The following HEATR5B variants were observed in gnomAD, a reference collection of about 807,000 sequenced individuals.
HEATR5B encodes the protein HEAT repeat-containing protein 5B.
HEATR5B carries 156 observed loss-of-function variants against 224.1 expected under a neutral mutation model. The observed-to-expected ratio is 0.70, with a 90% CI of 0.61 to 0.80. HEATR5B has a LOEUF of 0.80. Among genes scored for constraint, HEATR5B ranks in the 30% least tolerant of loss-of-function variants. The pLI, the probability that HEATR5B is intolerant of heterozygous loss-of-function variation, is 0.00. For synonymous variants in HEATR5B, 1,027 were observed against 893.0 expected (o/e 1.15, Z -2.68); for missense variants, 2,323 against 2,535.5 (o/e 0.92, Z 1.80).
Position 37,079,266 on chromosome 2 carries a change from A to G in HEATR5B, c.192T>C (p.Pro64=). Residue 64 remains proline, a synonymous_variant, in exon 3 of 36, where the codon CCT becomes CCC. Coordinates refer to ENST00000233099, the MANE Select transcript of HEATR5B (RefSeq NM_019024.3). ...CTAATAATTTTCGTGTAGGTGGTCC[A>G]GGTGAACTACTTATTAATCCAGTTA... ...EQLTGLISSS[P]GPPTRKLLAK... The G allele has an allele frequency of 6.2e-7, 1 of 1,613,076 alleles. No individual in the cohort carries two copies. The highest frequency in any genetic ancestry group is 8.5e-7 in the Non-Finnish European group (1 of 1,179,208).
intron 24 of HEATR5B, among the ~76,000 whole-genome samples, chr2:37,024,636 C>T (rs1668658854): frequency 6.6e-6 from 1 of 152,038 alleles, no homozygotes; most frequent in South Asian, 2.1e-4. Flanking sequence ...TAAACTACTG[C>T]CAAAATTTGG....
rs189825809 is a variant in HEATR5B, at chr2:37,076,501, C to T, written c.447+410G>A. 1.1e-4 allele frequency among the ~76,000 whole-genome samples: 17 copies of T among 152,284 alleles called. No individual in the cohort carries two copies. In the East Asian group the frequency reaches 2.9e-3, roughly 26 times the overall value. The stretch of plus-strand genomic sequence containing the variant: ...AGGAAACATTCTTCCCTAGATCCTT[C>T]AGTGGAAACATGGCCTTGCTGACAC... On this transcript the variant is annotated intron_variant, in intron 4 of 35. Coordinates refer to ENST00000233099, the MANE Select transcript of HEATR5B (RefSeq NM_019024.3).
rs547364458 is a variant in HEATR5B at position 37,067,259 on chromosome 2, T to C, written c.1178-1349A>G. On this transcript the variant is annotated intron_variant, in intron 8 of 35. Transcript: ENST00000233099. ...TGCTAAACTTTAAGCTCCCTGAGGATAGGTGCTGTATGCATCTGGCTTGCT... is the reference window on the plus strand; with the variant it reads ...TGCTAAACTTTAAGCTCCCTGAGGACAGGTGCTGTATGCATCTGGCTTGCT... 1.2e-4 allele frequency among the ~76,000 whole-genome samples: 19 copies of C among 152,336 alleles called. No individual in the cohort carries two copies. The South Asian group carries it at 2.7e-3, about 22-fold the overall frequency.
At chr2:37,064,134 A>C (rs1002357696) in intron 10 of HEATR5B, among the ~76,000 whole-genome samples, 1 of 152,102 alleles carries the variant, frequency 6.6e-6, no homozygotes, top group African/African-American at 2.4e-5. Context: ...AAAACCACTC[A>C]ATTTTTACTA....
At chr2:37,080,403 A>T (rs931392297) in intron 2 of HEATR5B, among the ~76,000 whole-genome samples, 1 of 152,260 alleles carries the variant, frequency 6.6e-6, no homozygotes, top group African/African-American at 2.4e-5. Context: ...AGCAGATGCA[A>T]TAATCCAGAT....
intron 9 of HEATR5B, 140 bp downstream of exon 9, chr2:37,065,615 A>T: frequency 1.3e-6 from 1 of 766,724 alleles, no homozygotes; most frequent in Non-Finnish European, 2.0e-6. Flanking sequence ...AGCCTATCAC[A>T]ATGAATATTA....
chr2:37,042,182 T>C (rs1421555555), intron 18 of HEATR5B, among the ~76,000 whole-genome samples: 1 of 152,186 alleles, frequency 6.6e-6, no homozygotes, highest in Non-Finnish European at 1.5e-5. Context: ...TACTAAAATA[T>C]ACAATTTAAT....
intron 3 of HEATR5B, among the ~76,000 whole-genome samples, chr2:37,078,325 G>A (rs1050696877): frequency 6.6e-6 from 1 of 152,146 alleles, no homozygotes; most frequent in African/African-American, 2.4e-5. Flanking sequence ...ATACCCTGTA[G>A]GCTGATAATA....
rs1553431138 is a variant in HEATR5B, at chr2:37,037,145, G to GATATATATATAT, written c.3216+698_3216+709dup. 7.9e-4 allele frequency among the ~76,000 whole-genome samples: 70 copies of GATATATATATAT among 89,166 alleles called. 3 individuals carry two copies. Among genetic ancestry groups the GATATATATATAT allele is most frequent in the East Asian group, 2.1e-3 (4 of 1,946 alleles). 58.5% of individuals were successfully genotyped at this position (89,166 alleles called of 152,430 possible). A position where few individuals can be genotyped will look rare whatever the true frequency, so the allele number is the denominator to read the frequency against. On this transcript the variant is annotated intron_variant, in intron 21 of 35. Transcript: ENST00000233099. ...TTCCGAGTAGGAAAACTAAAAATGT[G>GATATATATATAT]ATATATATATATATTTTGGAGATGG...
intron 2 of HEATR5B, among the ~76,000 whole-genome samples, chr2:37,082,695 A>C (rs1672668515): frequency 6.6e-6 from 1 of 152,214 alleles, no homozygotes; most frequent in Non-Finnish European, 1.5e-5. Context: ...ACTTTTAGCT[A>C]ATCGAATATC....
intron 12 of HEATR5B, 39 bp downstream of exon 12, chr2:37,060,542 T>A (rs759075835): frequency 6.7e-7 from 1 of 1,489,284 alleles, no homozygotes; most frequent in African/African-American, 1.4e-5. Context: ...ATTTTAGTTA[T>A]GTCATAATAT....
At chr2:37,002,657 A>G in intron 31 of HEATR5B, 85 bp from the exon 32 acceptor site, 1 of 1,311,932 alleles carries the variant, frequency 7.6e-7, no homozygotes, top group Non-Finnish European at 1.1e-6. Context: ...ATTCCTTCAA[A>G]AGAATTTATA....
At chr2:36,991,495 CA>C (rs56351937) in intron 33 of HEATR5B, among the ~76,000 whole-genome samples, 26,422 of 101,284 alleles carry the variant, frequency 0.26, 2,208 homozygotes, top group African/African-American at 0.33. Flanking sequence ...AACTCTGTCT[CA>C]AAAAAAAAAA....
chr2:37,005,681 T>G lies in HEATR5B; in HGVS notation c.4856A>C (p.His1619Pro). 6.2e-7 allele frequency: 1 copy of G among 1,613,276 alleles called. No homozygotes were observed. The highest frequency in any genetic ancestry group is 8.5e-7 in the Non-Finnish European group (1 of 1,179,288). The change falls in exon 30 of 36, where the codon CAT (histidine) becomes CCT (proline). Residue 1619 changes from histidine (H) to proline (P), a missense_variant. Around this residue, in one of 12 missense-constraint regions of HEATR5B, gnomAD observed 844 missense variants for 812.9 expected, o/e 1.04. Transcript: ENST00000233099. ...EHVTACLQAL[H>P]TLLDSPYARV... The stretch of plus-strand genomic sequence containing the variant: ...AGCATAAGGGGAGTCTAGCAAGGTA[T>G]GTAAGGCCTGCAGGCATGCTGTAAC...
rs138033403 is a variant in HEATR5B at position 37,024,556 on chromosome 2, T to C, written c.3853+3367A>G. On this transcript the variant is annotated intron_variant, in intron 24 of 35. Coordinates refer to ENST00000233099, the MANE Select transcript of HEATR5B (RefSeq NM_019024.3). ...TGCCCAACTGATAAGCTAGAAAAGA[T>C]GGTAATTATGTTATATGTATTTTAC... is the stretch of plus-strand genomic sequence containing the variant. Among the ~76,000 whole-genome samples, 364 of 152,290 alleles carry C rather than the reference T, an allele frequency of 2.4e-3. 4 individuals carry two copies. Among genetic ancestry groups the C allele is most frequent in the African/African-American group, 8.5e-3 (353 of 41,562 alleles).
chr2:37,009,576 TCA>T (rs1298268953), intron 27 of HEATR5B, among the ~76,000 whole-genome samples: 4 of 151,028 alleles, frequency 2.6e-5, no homozygotes, highest in Non-Finnish European at 5.9e-5. Context: ...AGATCCTGTC[TCA>T]AAAAAAGAAA....
chr2:37,040,313 C>G lies in HEATR5B; in HGVS notation c.3046+16G>C, dbSNP rs770512100. ...ATTATCTAACTAGGTTCCTTAATTT[C>G]AGATGATTTACTTACCTTGTAGTTC... On this transcript the variant is annotated intron_variant, in intron 20 of 35. Coordinates refer to ENST00000233099, the MANE Select transcript of HEATR5B (RefSeq NM_019024.3). 1.3e-6 allele frequency: 2 copies of G among 1,593,680 alleles called. No homozygotes were observed. The highest frequency in any genetic ancestry group is 1.7e-6 in the Non-Finnish European group (2 of 1,166,958).
chr2:36,994,992 T>C lies in HEATR5B; in HGVS notation c.5546-4193A>G, dbSNP rs182312040. ...GTCTCGATCTCCTGACTTCATGATCTGTCCACCTCGGCCTCCCAAAGTGCT... is the reference window on the plus strand; with the variant it reads ...GTCTCGATCTCCTGACTTCATGATCCGTCCACCTCGGCCTCCCAAAGTGCT... On this transcript the variant is annotated intron_variant, in intron 33 of 35. Transcript: ENST00000233099. Among the ~76,000 whole-genome samples, 394 of 152,036 alleles carry C rather than the reference T, an allele frequency of 2.6e-3. 3 individuals carry two copies. The highest frequency in any genetic ancestry group is 9.1e-3 in the African/African-American group (377 of 41,456).
chr2:37,076,676 A>G (rs919457084), intron 4 of HEATR5B, among the ~76,000 whole-genome samples: 10 of 152,022 alleles, frequency 6.6e-5, no homozygotes, highest in Admixed American at 5.9e-4. Context: ...AGCCAATCCA[A>G]AAGTACCATA....
Sources: allele counts gnomAD v4.1 joint callset (sites outside exome capture counted in the v4.1 genomes callset), GRCh38; gene constraint gnomAD v4.1.1; regional missense constraint gnomAD v4.1.1; transcripts MANE v1.5; gene names NCBI Gene and HGNC (gene_info 2026-07-23, HGNC 2026-07-21).